The following NKAIN3 variants were observed in gnomAD, a reference collection of about 807,000 sequenced individuals.
The protein encoded by NKAIN3 is sodium/potassium transporting ATPase interacting 3, also known as sodium/potassium-transporting ATPase subunit beta-1-interacting protein 3.
A neutral mutation model predicts 30.2 loss-of-function variants in NKAIN3; 25 were observed. That is an observed-to-expected ratio of 0.83 (90% confidence interval 0.60 to 1.16). The LOEUF (loss-of-function observed/expected upper bound fraction) is 1.16, where lower values mean the gene tolerates loss of function less well. Ranked by LOEUF, NKAIN3 falls within the 50% of genes most tolerant of loss-of-function variation. The pLI is 0.00. For synonymous variants in NKAIN3, 91 were observed against 89.6 expected (o/e 1.02, Z -0.09); for missense variants, 225 against 254.1 (o/e 0.89, Z 0.78).
At chr8:62,997,830 C>G (rs866928887) in intron 5 of NKAIN3, among the ~76,000 whole-genome samples, 1 of 150,794 alleles carries the variant, frequency 6.6e-6, no homozygotes, top group Non-Finnish European at 1.5e-5. Flanking sequence ...GTATTTTTGA[C>G]AATGCAATAG....
At chr8:62,303,379 ATGAG>A (rs1563926051) in intron 1 of NKAIN3, among the ~76,000 whole-genome samples, 1 of 150,430 alleles carries the variant, frequency 6.6e-6, no homozygotes, top group Non-Finnish European at 1.5e-5. Context: ...TGTATTTTTA[ATGAG>A]ATCTTTCCTC....
At chr8:62,960,660 T>G (rs1823545857) in intron 6 of NKAIN3, among the ~76,000 whole-genome samples, 1 of 150,460 alleles carries the variant, frequency 6.6e-6, no homozygotes, top group Non-Finnish European at 1.5e-5. Flanking sequence ...TCAAAAAAAT[T>G]TATAATCCCC....
chr8:62,455,551 G>A (rs1228323775), intron 1 of NKAIN3, among the ~76,000 whole-genome samples: 3 of 152,180 alleles, frequency 2.0e-5, no homozygotes, highest in Admixed American at 6.5e-5. Context: ...GGCATGGGCT[G>A]AAATGCTAAC....
intron 3 of NKAIN3, among the ~76,000 whole-genome samples, chr8:62,648,512 A>C (rs1048630302): frequency 6.6e-6 from 1 of 152,166 alleles, no homozygotes; most frequent in Non-Finnish European, 1.5e-5. Context: ...TAGAGGAAAT[A>C]GAAAAATAGA....
intron 3 of NKAIN3, among the ~76,000 whole-genome samples, chr8:62,732,721 G>GT (rs1392670336): frequency 6.6e-6 from 1 of 151,858 alleles, no homozygotes; most frequent in Non-Finnish European, 1.5e-5. Context: ...AGTTTTCACA[G>GT]TTTTTTTATT....
At chr8:62,456,008 A>G (rs1462978832) in intron 1 of NKAIN3, among the ~76,000 whole-genome samples, 1 of 152,224 alleles carries the variant, frequency 6.6e-6, no homozygotes, top group Non-Finnish European at 1.5e-5. Flanking sequence ...CAGATTAAGT[A>G]TGCTGGACAA....
chr8:62,808,062 C>T (rs527406166), intron 4 of NKAIN3, among the ~76,000 whole-genome samples: 1 of 152,074 alleles, frequency 6.6e-6, no homozygotes, highest in East Asian at 1.9e-4. Flanking sequence ...GTCTTTATAG[C>T]AATCATCCCT....
intron 4 of NKAIN3, among the ~76,000 whole-genome samples, chr8:62,911,493 G>A (rs187300047): frequency 5.9e-5 from 9 of 152,120 alleles, no homozygotes; most frequent in South Asian, 2.1e-4. Flanking sequence ...CTCCTCGTTC[G>A]GAAATTTTCC....
chr8:62,616,345 G>A (rs1052661497), intron 3 of NKAIN3, among the ~76,000 whole-genome samples: 3 of 152,006 alleles, frequency 2.0e-5, no homozygotes, highest in African/African-American at 7.2e-5. Flanking sequence ...AAAAATTCAG[G>A]GGTTCTCTCG....
At chr8:62,490,474 A>T (rs1807032176) in intron 1 of NKAIN3, among the ~76,000 whole-genome samples, 1 of 152,184 alleles carries the variant, frequency 6.6e-6, no homozygotes, top group Admixed American at 6.5e-5. Context: ...TGAAGAAGGA[A>T]TGTTAGAAAA....
chr8:62,661,038 T>G (rs1036289709), intron 3 of NKAIN3, among the ~76,000 whole-genome samples: 27 of 152,216 alleles, frequency 1.8e-4, no homozygotes, highest in African/African-American at 6.5e-4. Context: ...CTAGTGCTTT[T>G]CCAGATACTC....
At chr8:62,785,147 A>C (rs1295049209) in intron 4 of NKAIN3, among the ~76,000 whole-genome samples, 1 of 152,156 alleles carries the variant, frequency 6.6e-6, no homozygotes, top group Non-Finnish European at 1.5e-5. Context: ...AATCCACACA[A>C]AAATTTGTAC....
intron 1 of NKAIN3, among the ~76,000 whole-genome samples, chr8:62,278,091 C>G (rs1232990821): frequency 6.6e-6 from 1 of 152,098 alleles, no homozygotes; most frequent in Admixed American, 6.6e-5. Context: ...GGTTCTGTCT[C>G]AAGACATTGC....
At chr8:62,767,975 A>C (rs986584531) in intron 4 of NKAIN3, among the ~76,000 whole-genome samples, 3 of 152,170 alleles carry the variant, frequency 2.0e-5, no homozygotes, top group African/African-American at 7.2e-5. Flanking sequence ...CTGTTTCTTT[A>C]AATTTATTAA....
chr8:62,394,920 C>T (rs540558467), intron 1 of NKAIN3, among the ~76,000 whole-genome samples: 25 of 145,476 alleles, frequency 1.7e-4, no homozygotes, highest in Non-Finnish European at 3.6e-4. Context: ...TGGACAGAGG[C>T]GCTCATCACT....
intron 4 of NKAIN3, among the ~76,000 whole-genome samples, chr8:62,809,851 T>C (rs1439553226): frequency 1.3e-5 from 2 of 152,198 alleles, no homozygotes; most frequent in African/African-American, 4.8e-5. Context: ...TGAGGTAACC[T>C]AGGTCTTCTA....
At chr8:62,810,143 C>G (rs1818442688) in intron 4 of NKAIN3, among the ~76,000 whole-genome samples, 1 of 152,058 alleles carries the variant, frequency 6.6e-6, no homozygotes, top group African/African-American at 2.4e-5. Flanking sequence ...TAATCATATT[C>G]ATGAGTTTTA....
intron 3 of NKAIN3, among the ~76,000 whole-genome samples, chr8:62,659,310 G>A (rs1014535648): frequency 2.0e-5 from 3 of 152,230 alleles, no homozygotes; most frequent in Non-Finnish European, 4.4e-5. Context: ...CTAGCAATGG[G>A]AGGGTAGAGT....
At chr8:62,290,109 C>T (rs1813537740) in intron 1 of NKAIN3, among the ~76,000 whole-genome samples, 1 of 152,160 alleles carries the variant, frequency 6.6e-6, no homozygotes, top group African/African-American at 2.4e-5. Context: ...TGAGACTTTG[C>T]TGAAGTTGCT....
Sources: gnomAD v4.1 joint callset for allele counts (sites outside exome capture counted in the v4.1 genomes callset) on GRCh38, gnomAD v4.1.1 for gene constraint, MANE v1.5 for transcripts, NCBI Gene and HGNC (gene_info 2026-07-23, HGNC 2026-07-21) for gene names.